The following POLN variants were observed in gnomAD, a reference collection of about 807,000 sequenced individuals.
POLN encodes DNA polymerase nu.
POLN carries 108 observed loss-of-function variants against 113.5 expected under a neutral mutation model. The ratio of observed to expected loss-of-function variants is 0.95; its 90% CI spans 0.81 to 1.12. The LOEUF is 1.12. Ranked by LOEUF, POLN falls within the 50% of genes most tolerant of loss-of-function variation. POLN has a pLI of 0.00. For missense variants in POLN, 1,097 were observed against 1,077.1 expected, an observed-to-expected ratio of 1.02 and a Z score of -0.26; for synonymous variants, 386 against 391.5, an observed-to-expected ratio of 0.99 and a Z score of 0.17.
At chr4:2,116,327 C>T (rs893188943) in intron 19 of POLN, among the ~76,000 whole-genome samples, 1 of 152,182 alleles carries the variant, frequency 6.6e-6, no homozygotes, top group African/African-American at 2.4e-5. Context: ...TCCTCCTCAT[C>T]CTCTCCTTCC....
At chr4:2,165,156 G>T (rs1732699204) in intron 13 of POLN, among the ~76,000 whole-genome samples, 1 of 152,110 alleles carries the variant, frequency 6.6e-6, no homozygotes, top group Admixed American at 6.6e-5. Flanking sequence ...ATTTGTAATT[G>T]CCAAAACTTG....
At chr4:2,131,401 T>C in intron 16 of POLN, 111 bp from the exon 17 acceptor site, 1 of 709,528 alleles carries the variant, frequency 1.4e-6, no homozygotes, top group Non-Finnish European at 2.3e-6. Flanking sequence ...AGTAAGCCAA[T>C]GTAACATGCA....
intron 12 of POLN, 144 bp from the exon 13 acceptor site, chr4:2,170,918 T>G (rs1343857838): frequency 8.6e-6 from 8 of 927,144 alleles, no homozygotes; most frequent in South Asian, 3.3e-5. Context: ...TTTAGTACTT[T>G]TCTACAAGTT....
chr4:2,115,911 T>C (rs1279148392), intron 19 of POLN, among the ~76,000 whole-genome samples: 3 of 152,224 alleles, frequency 2.0e-5, no homozygotes, highest in African/African-American at 7.2e-5. Flanking sequence ...CTTGGAGTTT[T>C]ATAGCTTAGC....
Position 2,149,727 on chromosome 4 carries a change from A to G in POLN, c.1731+7061T>C, listed in dbSNP as rs1487390584. Among the ~76,000 whole-genome samples, 10 of 152,202 alleles carry G rather than the reference A, an allele frequency of 6.6e-5. No individual in the cohort carries two copies. In the East Asian group the frequency reaches 1.9e-3, roughly 29 times the overall value. On this transcript the variant is annotated intron_variant, in intron 16 of 25. Coordinates refer to ENST00000511885, the MANE Select transcript of POLN (RefSeq NM_181808.4). ...CTTGAGCCCGGGAGTTGGAGGCTGC[A>G]GTGAGCTATGATTACATCACTGTAC...
intron 7 of POLN, among the ~76,000 whole-genome samples, chr4:2,186,501 G>A (rs1258663996): frequency 6.6e-6 from 1 of 152,162 alleles, no homozygotes; most frequent in African/African-American, 2.4e-5. Flanking sequence ...GATGGGGAGC[G>A]CTCTGAAGTT....
In POLN at chr4:2,237,992, G is replaced by A. The variant is rs151065345; in HGVS notation, c.-13+3528C>T. 4.5e-3 allele frequency among the ~76,000 whole-genome samples: 681 copies of A among 152,148 alleles called. 1 individual carries two copies. Among genetic ancestry groups the A allele is most frequent in the South Asian group, 0.022 (107 of 4,816 alleles). ...TTGTGCAATGAGGCAACCCTATCCA[G>A]GCCCCTCATTTTATTAATAAGAAAA... On this transcript the variant is annotated intron_variant, in intron 2 of 25. Transcript: ENST00000511885.
intron 23 of POLN, chr4:2,079,793 C>T (rs1394769098): frequency 3.9e-5 from 34 of 882,410 alleles, no homozygotes; most frequent in Non-Finnish European, 4.6e-5. Flanking sequence ...CCCTGTTGGC[C>T]AGGTTGGTCT....
At position 2,133,161 on chromosome 4, in the gene POLN, A is replaced by AAAT. The variant is rs60472947; in HGVS notation, c.1732-1874_1732-1872dup. 3.3e-3 allele frequency among the ~76,000 whole-genome samples: 491 copies of AAAT among 149,408 alleles called. 4 individuals carry two copies. Among genetic ancestry groups the AAAT allele is most frequent in the African/African-American group, 0.01 (418 of 41,188 alleles). On this transcript the variant is annotated intron_variant, in intron 16 of 25. Transcript: ENST00000511885. ...TATAAAAAATGGCAAAAAAAAAAAA[A>AAAT]AATAACATGCTGTCAATAATGCAAA...
chr4:2,188,870 A>T (rs1196875914), intron 7 of POLN, among the ~76,000 whole-genome samples: 2 of 152,166 alleles, frequency 1.3e-5, no homozygotes, highest in African/African-American at 4.8e-5. Context: ...AAAAGTCAAA[A>T]TGTGTGTAGG....
intron 23 of POLN, chr4:2,078,722 C>A: frequency 5.1e-6 from 5 of 985,452 alleles, no homozygotes; most frequent in Non-Finnish European, 6.0e-6. Flanking sequence ...CCCAATATTC[C>A]ACACGAGTCT....
chr4:2,147,332 T>C (rs1732168531), intron 16 of POLN, among the ~76,000 whole-genome samples: 1 of 152,056 alleles, frequency 6.6e-6, no homozygotes, highest in Non-Finnish European at 1.5e-5. Context: ...GGCAGTGCAA[T>C]GAGAAAAAAG....
intron 19 of POLN, among the ~76,000 whole-genome samples, chr4:2,113,069 A>C (rs1731235899): frequency 1.3e-5 from 2 of 152,000 alleles, no homozygotes; most frequent in South Asian, 4.1e-4. Flanking sequence ...AAAAATGATG[A>C]GTTCATGTCC....
intron 16 of POLN, among the ~76,000 whole-genome samples, chr4:2,132,641 G>A (rs1021065874): frequency 6.6e-6 from 1 of 152,232 alleles, no homozygotes; most frequent in African/African-American, 2.4e-5. Flanking sequence ...CAATGTGAGT[G>A]ACTGCAGATT....
intron 16 of POLN, among the ~76,000 whole-genome samples, chr4:2,148,211 T>A (rs1033915376): frequency 6.6e-6 from 1 of 152,014 alleles, no homozygotes; most frequent in Non-Finnish European, 1.5e-5. Context: ...AATATAGTAA[T>A]AGAAACTATT....
chr4:2,106,430 G>A (rs1731067890), intron 19 of POLN, among the ~76,000 whole-genome samples: 1 of 152,220 alleles, frequency 6.6e-6, no homozygotes, highest in African/African-American at 2.4e-5. Context: ...TCTCGAAGAA[G>A]TCTTATAATT....
In POLN at chr4:2,241,958, GA is replaced by G. The variant is rs927828581; in HGVS notation, c.-284+92del. On this transcript the variant is annotated intron_variant, in intron 1 of 25. Transcript: ENST00000511885. ...CTGGAAGGAGCCCCCAGGAGCGCAG[GA>G]AAAAAAAGAGGCACCTGGGTGCAGA... 5.2e-4 allele frequency: 512 copies of G among 985,264 alleles called. 5 individuals carry two copies. Among genetic ancestry groups the G allele is most frequent in the Admixed American group, 1.8e-4 (3 of 16,268 alleles). 61.0% of individuals were successfully genotyped at this position (985,264 alleles called of 1,614,324 possible).
rs555949405 is a variant in POLN, at chr4:2,217,588, G to A, written c.134-4462C>T. Among the ~76,000 whole-genome samples, 19 of 151,868 alleles carry A rather than the reference G, an allele frequency of 1.3e-4. No individual in the cohort carries two copies. The South Asian group carries it at 3.5e-3, about 28-fold the overall frequency. The stretch of plus-strand genomic sequence containing the variant: ...TCACTTGATGTCACCATGGCCTCAC[G>A]CTCCATCTCTACCAGGGCCCAGTAG... On this transcript the variant is annotated intron_variant, in intron 3 of 25. Coordinates refer to ENST00000511885, the MANE Select transcript of POLN (RefSeq NM_181808.4).
At chr4:2,204,791 C>T (rs1249766737) in intron 5 of POLN, among the ~76,000 whole-genome samples, 1 of 152,148 alleles carries the variant, frequency 6.6e-6, no homozygotes, top group Non-Finnish European at 1.5e-5. Context: ...CTAACATACG[C>T]AAGTCAATAA....
Sources: allele counts gnomAD v4.1 joint callset (sites outside exome capture counted in the v4.1 genomes callset), GRCh38; gene constraint gnomAD v4.1.1; transcripts MANE v1.5; gene names NCBI Gene and HGNC (gene_info 2026-07-23, HGNC 2026-07-21).